SV2C: variants seen among roughly 807,000 people sequenced by gnomAD.
The protein encoded by SV2C is solute carrier family 22 member B3.
SV2C carries 49 observed loss-of-function variants against 79.7 expected under a neutral mutation model. The observed-to-expected ratio is 0.61, with a 90% CI of 0.49 to 0.78. The LOEUF (loss-of-function observed/expected upper bound fraction) is 0.78. Among genes scored for constraint, SV2C ranks in the 30% least tolerant of loss-of-function variants. SV2C has a pLI of 0.00. For missense variants in SV2C, 833 were observed against 912.9 expected (o/e 0.91, Z 1.13); for synonymous variants, 334 against 333.2 (o/e 1.00, Z -0.03).
chr5:76,159,686 C>T (rs1742841093), intron 2 of SV2C, among the ~76,000 whole-genome samples: 2 of 152,022 alleles, frequency 1.3e-5, no homozygotes, highest in Non-Finnish European at 2.9e-5. Context: ...CTTCATCCTT[C>T]GTGTCTCTCT....
chr5:75,929,266 C>T, the SV2C span, among the ~76,000 whole-genome samples: 2,101 of 152,070 alleles, frequency 0.014, 53 homozygotes, highest in African/African-American at 0.045. Flanking sequence ...CCTGTCCCCT[C>T]ACACCTGTCC....
At chr5:76,001,979 T>A in the SV2C span, among the ~76,000 whole-genome samples, 1 of 152,072 alleles carries the variant, frequency 6.6e-6, no homozygotes, top group African/African-American at 2.4e-5. Context: ...GTTCCCAAAG[T>A]CCACTATATC....
chr5:75,944,824 C>A, the SV2C span, among the ~76,000 whole-genome samples: 5 of 152,082 alleles, frequency 3.3e-5, no homozygotes, highest in Non-Finnish European at 5.9e-5. Context: ...CTCTCCCAGC[C>A]CTGACCCAGG....
At chr5:75,869,939 C>A in the SV2C span, among the ~76,000 whole-genome samples, 4 of 152,266 alleles carry the variant, frequency 2.6e-5, no homozygotes, top group East Asian at 7.7e-4. Context: ...AAAACCACAG[C>A]GTTTCTGGGC....
intron 12 of SV2C, among the ~76,000 whole-genome samples, chr5:76,348,262 G>C (rs900552382): frequency 1.3e-5 from 2 of 152,118 alleles, no homozygotes; most frequent in East Asian, 3.9e-4. Flanking sequence ...TTCATGGCTT[G>C]ATACCTCATT....
the SV2C span, among the ~76,000 whole-genome samples, chr5:75,904,436 C>T: frequency 2.0e-3 from 298 of 146,034 alleles, 1 homozygote; most frequent in African/African-American, 6.7e-3. Flanking sequence ...GAGAGGCTGT[C>T]GGTGGTCAGT....
the SV2C span, among the ~76,000 whole-genome samples, chr5:75,902,006 C>T: frequency 6.6e-6 from 1 of 152,210 alleles, no homozygotes; most frequent in Non-Finnish European, 1.5e-5. Flanking sequence ...CTTTCTTTGA[C>T]TAGGAAAGGG....
intron 1 of SV2C, among the ~76,000 whole-genome samples, chr5:76,101,401 T>A (rs981485426): frequency 6.6e-6 from 1 of 152,168 alleles, no homozygotes; most frequent in African/African-American, 2.4e-5. Context: ...TTTGTAGAGA[T>A]GAAATTCTGT....
At chr5:76,152,120 T>C (rs1019778575) in intron 2 of SV2C, among the ~76,000 whole-genome samples, 1 of 152,104 alleles carries the variant, frequency 6.6e-6, no homozygotes, top group Non-Finnish European at 1.5e-5. Flanking sequence ...GCACAATAGA[T>C]GAGTGCTTCT....
the SV2C span, among the ~76,000 whole-genome samples, chr5:75,924,108 C>T: frequency 6.6e-6 from 1 of 152,148 alleles, no homozygotes; most frequent in South Asian, 2.1e-4. Flanking sequence ...TCTTTTGCAG[C>T]AACTTGGATG....
the SV2C span, among the ~76,000 whole-genome samples, chr5:76,017,563 G>C: frequency 2.6e-5 from 4 of 152,156 alleles, no homozygotes; most frequent in African/African-American, 4.8e-5. Context: ...ACAGGTGTGA[G>C]CCACTGAGCC....
At chr5:75,886,691 A>G in the SV2C span, among the ~76,000 whole-genome samples, 1 of 152,134 alleles carries the variant, frequency 6.6e-6, no homozygotes, top group African/African-American at 2.4e-5. Flanking sequence ...GTAACAACTA[A>G]TTCAACTCAG....
chr5:76,098,588 C>G (rs1747639101), intron 1 of SV2C, among the ~76,000 whole-genome samples: 2 of 152,222 alleles, frequency 1.3e-5, no homozygotes, highest in South Asian at 2.1e-4. Flanking sequence ...ATTCATCACT[C>G]TGAACCTGAT....
chr5:76,266,497 T>C (rs1213712550), intron 4 of SV2C, among the ~76,000 whole-genome samples: 1 of 152,214 alleles, frequency 6.6e-6, no homozygotes, highest in Non-Finnish European at 1.5e-5. Flanking sequence ...CATGAGCCAC[T>C]GCACCCAGGC....
At chr5:76,208,556 T>C (rs577690767) in intron 3 of SV2C, among the ~76,000 whole-genome samples, 2 of 152,352 alleles carry the variant, frequency 1.3e-5, no homozygotes, top group Non-Finnish European at 2.9e-5. Context: ...GACCTTTCCC[T>C]AAATTGCATT....
chr5:75,910,555 C>A, the SV2C span: 1 of 664,452 alleles, frequency 1.5e-6, no homozygotes, highest in South Asian at 1.6e-5. Context: ...CTTTGGTTTA[C>A]TACTTCACCC....
Position 76,285,807 on chromosome 5 carries a change from G to T in SV2C, c.1074G>T (p.Met358Ile), listed in dbSNP as rs750633270. ...LEVGKHDEAW[M>I]ILKLIHDTNM... ...TTGGAAAACATGATGAAGCTTGGATGATTCTGAAGTTAATTCATGACACCA... is the reference window on the plus strand; with the variant it reads ...TTGGAAAACATGATGAAGCTTGGATTATTCTGAAGTTAATTCATGACACCA... The change falls in exon 6 of 13, where the codon ATG (methionine) becomes ATT (isoleucine). Residue 358 changes from methionine to isoleucine, a missense_variant. Transcript: ENST00000502798. 5.0e-6 allele frequency: 8 copies of T among 1,613,960 alleles called. No homozygotes were observed. In the Admixed American group the frequency reaches 5.0e-5, roughly 10 times the overall value.
chr5:76,203,068 T>A (rs1413598907), intron 3 of SV2C, among the ~76,000 whole-genome samples: 1 of 152,190 alleles, frequency 6.6e-6, no homozygotes, highest in Non-Finnish European at 1.5e-5. Context: ...AGGCTGACCT[T>A]TTGGACACAT....
At chr5:76,118,234 T>C (rs1446105837) in intron 1 of SV2C, among the ~76,000 whole-genome samples, 2 of 152,240 alleles carry the variant, frequency 1.3e-5, no homozygotes, top group Non-Finnish European at 2.9e-5. Context: ...CTCTAATTTC[T>C]GCCTCCATCT....
Sources: gnomAD v4.1 joint callset for allele counts (sites outside exome capture counted in the v4.1 genomes callset) on GRCh38, gnomAD v4.1.1 for gene constraint, MANE v1.5 for transcripts, NCBI Gene and HGNC (gene_info 2026-07-23, HGNC 2026-07-21) for gene names.